The following FAM135B variants were observed in gnomAD, a reference collection of about 807,000 sequenced individuals.
The protein encoded by FAM135B is protein FAM135B.
FAM135B carries 43 observed loss-of-function variants against 127.7 expected under a neutral mutation model. The ratio of observed to expected loss-of-function variants is 0.34; its 90% confidence interval spans 0.26 to 0.43. FAM135B has a LOEUF of 0.43. FAM135B is among the 20% of genes least tolerant of loss of function. The pLI is 1.00. For missense variants in FAM135B, 1,558 were observed against 1,725.6 expected (o/e 0.90, Z 1.72); for synonymous variants, 670 against 665.1 (o/e 1.01, Z -0.11).
intron 15 of FAM135B, among the ~76,000 whole-genome samples, chr8:138,145,254 G>A (rs548406847): frequency 1.3e-5 from 2 of 152,132 alleles, no homozygotes; most frequent in African/African-American, 2.4e-5. Context: ...AGGCTCAAGC[G>A]ATCTCACTGC....
chr8:138,393,486 A>C (rs1832698798), intron 1 of FAM135B, among the ~76,000 whole-genome samples: 1 of 151,932 alleles, frequency 6.6e-6, no homozygotes. Flanking sequence ...AGAGTATTCC[A>C]TGTGCCATAA....
At position 138,141,498 on chromosome 8, in the gene FAM135B, C is replaced by A; in HGVS notation, c.3639-149G>T. The A allele has an allele frequency of 1.3e-6, 1 of 782,814 alleles. No homozygotes were observed. The highest frequency in any genetic ancestry group is 2.1e-6 in the Non-Finnish European group (1 of 476,754). 48.5% of individuals were successfully genotyped at this position (782,814 alleles called of 1,614,324 possible). A position where few individuals can be genotyped will look rare whatever the true frequency, so the allele number is the denominator to read the frequency against. Reference sequence around the variant, plus strand: ...AGAGAACAGGGACTGCCAACTCAACCTCATCAGGTTTCAAAACACTGGCCA... The same window carrying A: ...AGAGAACAGGGACTGCCAACTCAACATCATCAGGTTTCAAAACACTGGCCA... On this transcript the variant is annotated intron_variant, in intron 16 of 19. Transcript: ENST00000395297. The surrounding 1 kb of genome is among the most constrained non-coding windows in gnomAD (Gnocchi z 4.7).
chr8:138,301,501 A>C (rs1172439092), intron 3 of FAM135B, among the ~76,000 whole-genome samples: 1 of 151,792 alleles, frequency 6.6e-6, no homozygotes, highest in African/African-American at 2.4e-5. Flanking sequence ...TTTTTTTCCT[A>C]ACGGCATGAC....
chr8:138,370,870 C>A (rs955751428), intron 1 of FAM135B, among the ~76,000 whole-genome samples: 4 of 152,208 alleles, frequency 2.6e-5, no homozygotes, highest in Non-Finnish European at 5.9e-5. Context: ...CTCTTTCCAT[C>A]TGAAGATTAG....
intron 7 of FAM135B, among the ~76,000 whole-genome samples, chr8:138,204,853 T>C (rs527308860): frequency 7.2e-5 from 11 of 152,320 alleles, no homozygotes; most frequent in African/African-American, 2.4e-4. Flanking sequence ...CCGAGAAATA[T>C]CAATGCATTG....
chr8:138,320,880 C>A (rs1014786250), intron 2 of FAM135B, among the ~76,000 whole-genome samples: 1 of 152,196 alleles, frequency 6.6e-6, no homozygotes, highest in South Asian at 2.1e-4. Context: ...AATCCACATG[C>A]AACTTTTGTA....
At chr8:138,148,341 G>A (rs995361031) in intron 14 of FAM135B, among the ~76,000 whole-genome samples, 179 bp downstream of exon 14, 3 of 151,942 alleles carry the variant, frequency 2.0e-5, no homozygotes, top group Non-Finnish European at 4.4e-5. Flanking sequence ...TTTTGTGACA[G>A]AGAGATATTT....
chr8:138,238,040 C>T (rs1207078778), intron 7 of FAM135B, among the ~76,000 whole-genome samples: 1 of 151,966 alleles, frequency 6.6e-6, no homozygotes, highest in Non-Finnish European at 1.5e-5. Context: ...TGATCATATC[C>T]AATTATCTCT....
At chr8:138,185,829 A>C (rs1185737210) in intron 9 of FAM135B, among the ~76,000 whole-genome samples, 1 of 152,316 alleles carries the variant, frequency 6.6e-6, no homozygotes, top group East Asian at 1.9e-4. Context: ...ACCAAAGCAC[A>C]TGTCTGAGTT....
At chr8:138,135,335 G>A (rs931022016) in intron 19 of FAM135B, among the ~76,000 whole-genome samples, 2 of 152,152 alleles carry the variant, frequency 1.3e-5, no homozygotes, top group African/African-American at 2.4e-5. Context: ...CCACAGCTAT[G>A]TTTAGTCAAG....
chr8:138,280,538 T>C (rs1189934753), intron 3 of FAM135B, among the ~76,000 whole-genome samples: 1 of 152,164 alleles, frequency 6.6e-6, no homozygotes, highest in East Asian at 1.9e-4. Flanking sequence ...ACCTTCCTCA[T>C]CATCTCTTGC....
chr8:138,378,086 T>C (rs1341675632), intron 1 of FAM135B, among the ~76,000 whole-genome samples: 5 of 152,218 alleles, frequency 3.3e-5, no homozygotes, highest in Non-Finnish European at 5.9e-5. Context: ...ACAAGTCACA[T>C]AACATCTCTA....
At chr8:138,377,183 GATA>G (rs1296102191) in intron 1 of FAM135B, among the ~76,000 whole-genome samples, 18 of 152,252 alleles carry the variant, frequency 1.2e-4, no homozygotes, top group African/African-American at 2.6e-4. Context: ...AAGATTAAAT[GATA>G]ATAATTTGAT....
Position 138,230,990 on chromosome 8 carries a change from TTTATTTTA to T in FAM135B, c.669+11944_669+11951del, listed in dbSNP as rs1219947910. 2.6e-5 allele frequency among the ~76,000 whole-genome samples: 4 copies of T among 152,142 alleles called. No homozygotes were observed. In the East Asian group the frequency reaches 7.7e-4, roughly 29 times the overall value. ...AAGTTACTTTTTCAAGAATTTCTAA[TTTATTTTA>T]TTATTTTATTTTTATTTTGTTTTAT... On this transcript the variant is annotated intron_variant, in intron 7 of 19. Transcript: ENST00000395297.
At chr8:138,144,058 T>C (rs1817445104) in intron 15 of FAM135B, among the ~76,000 whole-genome samples, 1 of 152,224 alleles carries the variant, frequency 6.6e-6, no homozygotes, top group South Asian at 2.1e-4. Context: ...TTGCTTCCCA[T>C]CTAAACCTCA....
chr8:138,253,523 A>G (rs540692425), intron 5 of FAM135B, among the ~76,000 whole-genome samples: 1 of 152,268 alleles, frequency 6.6e-6, no homozygotes, highest in South Asian at 2.1e-4. Context: ...GCTTCACACC[A>G]TCCCTGGGAC....
At chr8:138,305,955 G>A (rs1328492851) in intron 3 of FAM135B, among the ~76,000 whole-genome samples, 4 of 152,088 alleles carry the variant, frequency 2.6e-5, no homozygotes, top group African/African-American at 9.7e-5. Flanking sequence ...GTTTGTGTGT[G>A]TATATGTTAT....
At chr8:138,457,192 T>C (rs556957581) in intron 1 of FAM135B, among the ~76,000 whole-genome samples, 11 of 152,014 alleles carry the variant, frequency 7.2e-5, no homozygotes, top group Admixed American at 4.6e-4. Flanking sequence ...GGGATGTAAG[T>C]GTGTGCCGAC....
rs571002171 is a variant in FAM135B, at chr8:138,337,051, TCAA to T, written c.78-26134_78-26132del. 4.2e-3 allele frequency among the ~76,000 whole-genome samples: 638 copies of T among 152,254 alleles called. 2 individuals carry two copies. The highest frequency in any genetic ancestry group is 0.014 in the Middle Eastern group (4 of 294). On this transcript the variant is annotated intron_variant, in intron 2 of 19. Coordinates refer to ENST00000395297, the MANE Select transcript of FAM135B (RefSeq NM_015912.4). ...ATGCAGAAAAGGCCTTTGACAAAATTCAACAACCCTTCATGCTAAAAACTCTCA... is the reference window on the plus strand; with the variant it reads ...ATGCAGAAAAGGCCTTTGACAAAATTCAACCCTTCATGCTAAAAACTCTCA...
Sources: allele counts gnomAD v4.1 joint callset (sites outside exome capture counted in the v4.1 genomes callset), GRCh38; gene constraint gnomAD v4.1.1; non-coding constraint Gnocchi (gnomAD v3.1); transcripts MANE v1.5; gene names NCBI Gene and HGNC (gene_info 2026-07-23, HGNC 2026-07-21).